ADAMTS2: variants seen among roughly 807,000 people sequenced by gnomAD.
ADAMTS2 encodes ADAM metallopeptidase with thrombospondin type 1 motif 2, also known as A disintegrin and metalloproteinase with thrombospondin motifs 2.
In ADAMTS2, 50 loss-of-function variants were observed where a neutral mutation model predicts 123.0. The observed-to-expected ratio is 0.41, with a 90% CI of 0.32 to 0.51. The LOEUF (loss-of-function observed/expected upper bound fraction) is 0.51. Ranked by LOEUF, ADAMTS2 falls within the 20% of genes least tolerant of loss-of-function variation. ADAMTS2 has a pLI of 0.35. For synonymous variants in ADAMTS2, 678 were observed against 695.4 expected, an observed-to-expected ratio of 0.98 and a Z score of 0.39; for missense variants, 1,494 against 1,705.2, an observed-to-expected ratio of 0.88 and a Z score of 2.18.
chr5:179,217,364 G>T (rs1028283791), intron 3 of ADAMTS2, among the ~76,000 whole-genome samples: 1 of 152,222 alleles, frequency 6.6e-6, no homozygotes, highest in African/African-American at 2.4e-5. Context: ...GAAAGGATAC[G>T]GTTTGATCAC....
intron 2 of ADAMTS2, among the ~76,000 whole-genome samples, chr5:179,297,405 A>T (rs771971008): frequency 6.6e-6 from 1 of 151,862 alleles, no homozygotes; most frequent in African/African-American, 2.4e-5. Flanking sequence ...CAATGCAGAA[A>T]CCTGAGATTG....
intron 2 of ADAMTS2, among the ~76,000 whole-genome samples, chr5:179,298,286 C>A (rs565116704): frequency 6.6e-6 from 1 of 152,296 alleles, no homozygotes; most frequent in South Asian, 2.1e-4. Context: ...TGGAGATGAG[C>A]TCTTCCTGTC....
rs138175644 is a variant in ADAMTS2 at position 179,225,543 on chromosome 5, G to A, written c.689-17828C>T. Among the ~76,000 whole-genome samples the A allele has an allele frequency of 2.4e-3, 362 of 152,232 alleles. 1 individual carries two copies. Among genetic ancestry groups the A allele is most frequent in the African/African-American group, 8.4e-3 (347 of 41,540 alleles). On this transcript the variant is annotated intron_variant, in intron 3 of 21. Coordinates refer to ENST00000251582, the MANE Select transcript of ADAMTS2 (RefSeq NM_014244.5). This position sits in a 1 kb window ranked among gnomAD's most constrained non-coding sequence, Gnocchi z 4.5. ...CCCGAGACCCTAACAGGCAGACACA[G>A]GCGGCTGGACGTCGAGAGGAGCGCA...
chr5:179,166,511 A>G (rs1008855710), intron 5 of ADAMTS2, among the ~76,000 whole-genome samples: 6 of 152,004 alleles, frequency 3.9e-5, no homozygotes, highest in Non-Finnish European at 7.4e-5. Flanking sequence ...GGGCCCCTGA[A>G]CCTCAGGCCC....
rs771212355 is a variant in ADAMTS2, at chr5:179,132,682, C to T, written c.2209+95G>A. 50 of 1,571,554 alleles carry T rather than the reference C, an allele frequency of 3.2e-5. No homozygotes were observed. The East Asian group carries it at 8.8e-4, about 28-fold the overall frequency. ...CCCCTCCCCAGAACAGTCATAAGCC[C>T]GGACAGCCCCAGGATGAGTCAGGCC... On this transcript the variant is annotated intron_variant, in intron 14 of 21. Coordinates refer to ENST00000251582, the MANE Select transcript of ADAMTS2 (RefSeq NM_014244.5). The surrounding 1 kb of genome is among the most constrained non-coding windows in gnomAD (Gnocchi z 6.1).
chr5:179,274,973 A>C (rs1020035330), intron 2 of ADAMTS2, among the ~76,000 whole-genome samples: 1 of 152,198 alleles, frequency 6.6e-6, no homozygotes, highest in Non-Finnish European at 1.5e-5. Flanking sequence ...CCAGTGCTCC[A>C]TATGGGGGAA....
intron 2 of ADAMTS2, among the ~76,000 whole-genome samples, chr5:179,276,661 C>T (rs1392334428): frequency 6.6e-6 from 1 of 152,238 alleles, no homozygotes; most frequent in Non-Finnish European, 1.5e-5. Flanking sequence ...GGCAGACAGG[C>T]TGCTGGGGAC....
intron 2 of ADAMTS2, among the ~76,000 whole-genome samples, chr5:179,296,468 C>T (rs534476109): frequency 2.6e-5 from 4 of 151,876 alleles, no homozygotes; most frequent in East Asian, 1.9e-4. Context: ...GGCCCCTGCT[C>T]GGAGGCAGGA....
At chr5:179,313,210 G>GCACA (rs1405920204) in intron 2 of ADAMTS2, among the ~76,000 whole-genome samples, 1 of 150,800 alleles carries the variant, frequency 6.6e-6, no homozygotes, top group Admixed American at 6.6e-5. Context: ...TCACACTCAT[G>GCACA]CACACACACA....
At chr5:179,204,447 C>T (rs551347634) in intron 4 of ADAMTS2, among the ~76,000 whole-genome samples, 2 of 152,246 alleles carry the variant, frequency 1.3e-5, no homozygotes, top group Non-Finnish European at 2.9e-5. Context: ...ACCAGCCACA[C>T]TTCAAGTGCT....
intron 5 of ADAMTS2, among the ~76,000 whole-genome samples, chr5:179,169,063 G>A (rs2113288246): frequency 6.6e-6 from 1 of 152,346 alleles, no homozygotes; most frequent in East Asian, 1.9e-4. Flanking sequence ...CAGAAGAGGG[G>A]CCTCCTGCTA....
Position 179,175,256 on chromosome 5 carries a change from G to A in ADAMTS2, c.975+5816C>T, listed in dbSNP as rs964386812. On this transcript the variant is annotated intron_variant, in intron 5 of 21. Transcript: ENST00000251582. The surrounding 1 kb of genome is among the most constrained non-coding windows in gnomAD (Gnocchi z 4.1). ...GCAGCTGTCTCAGCCATGCTTGACC[G>A]TTCATGTTCCTTTGGAGGATGTCTC... Among the ~76,000 whole-genome samples, 8 of 150,354 alleles carry A rather than the reference G, an allele frequency of 5.3e-5. No homozygotes were observed. Among genetic ancestry groups the A allele is most frequent in the Admixed American group, 6.6e-5 (1 of 15,142 alleles).
chr5:179,266,730 C>T (rs1766381429), intron 3 of ADAMTS2, among the ~76,000 whole-genome samples: 1 of 152,182 alleles, frequency 6.6e-6, no homozygotes, highest in African/African-American at 2.4e-5. Context: ...AAATTGGCAC[C>T]CCCCAACAAA....
chr5:179,126,439 C>A (rs958517578), intron 17 of ADAMTS2, among the ~76,000 whole-genome samples: 1 of 152,238 alleles, frequency 6.6e-6, no homozygotes, highest in African/African-American at 2.4e-5. Context: ...CTTGACCTCA[C>A]ATGCCCAGCA....
chr5:179,189,002 G>T lies in ADAMTS2; in HGVS notation c.892-7847C>A, dbSNP rs1006934147. Among the ~76,000 whole-genome samples the T allele has an allele frequency of 5.3e-5, 8 of 152,270 alleles. No homozygotes were observed. In the East Asian group the frequency reaches 1.5e-3, roughly 29 times the overall value. The stretch of plus-strand genomic sequence containing the variant: ...TGGGGGGTTAGCAGAGTGTGGGGGG[G>T]ATATTCCCACTCTGAGGTCAGATTT... On this transcript the variant is annotated intron_variant, in intron 4 of 21. Transcript: ENST00000251582. This position sits in a 1 kb window ranked among gnomAD's most constrained non-coding sequence, Gnocchi z 4.2.
At position 179,262,894 on chromosome 5, in the gene ADAMTS2, G is replaced by C. The variant is rs187557246; in HGVS notation, c.688+10017C>G. Reference sequence around the variant, plus strand: ...GGTGGACACATAGCAAGAACGTGACGAGTGAATGCAGGAAAATACACTTGT... The same window carrying C: ...GGTGGACACATAGCAAGAACGTGACCAGTGAATGCAGGAAAATACACTTGT... On this transcript the variant is annotated intron_variant, in intron 3 of 21. Transcript: ENST00000251582. The surrounding 1 kb of genome is among the most constrained non-coding windows in gnomAD (Gnocchi z 5.9). 8.8e-4 allele frequency among the ~76,000 whole-genome samples: 134 copies of C among 152,352 alleles called. No individual in the cohort carries two copies. Among genetic ancestry groups the C allele is most frequent in the African/African-American group, 3.2e-3 (131 of 41,574 alleles).
chr5:179,301,192 G>A (rs1261482112), intron 2 of ADAMTS2, among the ~76,000 whole-genome samples: 1 of 151,720 alleles, frequency 6.6e-6, no homozygotes, highest in Non-Finnish European at 1.5e-5. Flanking sequence ...GCATTGCTCA[G>A]GGGCCCAGCC....
At chr5:179,186,169 A>G (rs1248868681) in intron 4 of ADAMTS2, among the ~76,000 whole-genome samples, 1 of 152,020 alleles carries the variant, frequency 6.6e-6, no homozygotes, top group African/African-American at 2.4e-5. Context: ...CCTGCTCCGG[A>G]GCCCTCAACT....
chr5:179,311,688 A>G (rs1011596843), intron 2 of ADAMTS2, among the ~76,000 whole-genome samples: 1 of 151,936 alleles, frequency 6.6e-6, no homozygotes. Flanking sequence ...AGCTAGAATC[A>G]TGTTAGGTGA....
Sources: allele counts gnomAD v4.1 joint callset (sites outside exome capture counted in the v4.1 genomes callset), GRCh38; gene constraint gnomAD v4.1.1; non-coding constraint Gnocchi (gnomAD v3.1); transcripts MANE v1.5; gene names NCBI Gene and HGNC (gene_info 2026-07-23, HGNC 2026-07-21).